The following DARS2 variants were observed in gnomAD, a reference collection of about 807,000 sequenced individuals.
DARS2 encodes the protein aspartate--tRNA ligase, mitochondrial.
Under a neutral mutation model 83.0 loss-of-function variants are expected in DARS2, and 63 were observed. That is an observed-to-expected ratio of 0.76 (90% confidence interval 0.62 to 0.94). The LOEUF is 0.94. Ranked by LOEUF, DARS2 falls within the 40% of genes least tolerant of loss-of-function variation. The pLI is 0.00. For synonymous variants in DARS2, 250 were observed against 269.3 expected (o/e 0.93, Z 0.70); for missense variants, 675 against 774.4 (o/e 0.87, Z 1.52).
intron 15 of DARS2, among the ~76,000 whole-genome samples, chr1:173,856,019 A>G (rs1392799950): frequency 6.6e-6 from 1 of 152,080 alleles, no homozygotes; most frequent in Non-Finnish European, 1.5e-5. Flanking sequence ...GCTGCACCTT[A>G]CAATCAAATC....
At chr1:173,856,254 C>T (rs1399573769) in intron 15 of DARS2, among the ~76,000 whole-genome samples, 1 of 152,194 alleles carries the variant, frequency 6.6e-6, no homozygotes, top group Non-Finnish European at 1.5e-5. Flanking sequence ...GTGGCCTGTT[C>T]TTGGCCCTTA....
chr1:173,840,906 G>T lies in DARS2; in HGVS notation c.1061G>T (p.Gly354Val). The change falls in exon 11 of 17, where the codon GGA becomes GTA. Residue 354 changes from glycine (G) to valine (V), a missense_variant. Gly to Val is a moderately radical substitution (Grantham distance 109). Coordinates refer to ENST00000649689, the MANE Select transcript of DARS2 (RefSeq NM_018122.5). ...ISDVFRNTEI[G>V]FLQDALSKPH... ...GATGTGTTTAGAAACACAGAGATTGGATTTCTTCAAGATGCACTTAGTAAG... is the reference window on the plus strand; with the variant it reads ...GATGTGTTTAGAAACACAGAGATTGTATTTCTTCAAGATGCACTTAGTAAG... 6.2e-7 allele frequency: 1 copy of T among 1,612,940 alleles called. No individual in the cohort carries two copies. Among genetic ancestry groups the T allele is most frequent in the Non-Finnish European group, 8.5e-7 (1 of 1,179,014 alleles).
chr1:173,848,170 C>A (rs1653514957), intron 12 of DARS2, among the ~76,000 whole-genome samples: 1 of 152,078 alleles, frequency 6.6e-6, no homozygotes, highest in Non-Finnish European at 1.5e-5. Flanking sequence ...TCATTCTTTT[C>A]TGAGTTGAAG....
In DARS2 at chr1:173,840,964, T is replaced by C. The variant is rs1372955578; in HGVS notation, c.1119T>C (p.Pro373=). 6.3e-7 allele frequency: 1 copy of C among 1,591,906 alleles called. No homozygotes were observed. The highest frequency in any genetic ancestry group is 8.6e-7 in the Non-Finnish European group (1 of 1,159,714). The change falls in exon 11 of 17, where the codon CCT becomes CCC. Residue 373 remains proline (P), a synonymous_variant. Transcript: ENST00000649689. The part of the protein sequence containing the change: ...PHGTVKAICI[P]EGAKYLKRKD... ...GAACTGTGAAAGCCATATGTATCCC[T>C]GAAGGAGCAGTAAGTGAAGTACAGT...
chr1:173,839,638 AGAT>A (rs1384547587), intron 10 of DARS2, 92 bp downstream of exon 10: 1 of 1,252,426 alleles, frequency 8.0e-7, no homozygotes, highest in African/African-American at 1.5e-5. Flanking sequence ...ACACACTGTT[AGAT>A]GATATTTTTG....
At chr1:173,847,945 C>T (rs566695556) in intron 12 of DARS2, among the ~76,000 whole-genome samples, 4 of 150,888 alleles carry the variant, frequency 2.7e-5, no homozygotes, top group South Asian at 4.2e-4. Flanking sequence ...CTCCGCCTCC[C>T]AGGTTCACGC....
rs1652321673 is a variant in DARS2 at position 173,857,546 on chromosome 1, T to G, written c.1779T>G (p.Thr593=). Residue 593 remains threonine (T), a synonymous_variant, in exon 17 of 17, where the codon ACT becomes ACG. Transcript: ENST00000649689. The part of the protein sequence containing the change: ...LGLDRLICLV[T]GSPSIRDVIA... ...TAGACAGACTGATATGCCTTGTCAC[T>G]GGATCTCCAAGCATCAGAGATGTCA... The G allele has an allele frequency of 6.2e-7, 1 of 1,614,060 alleles. No homozygotes were observed. The highest frequency in any genetic ancestry group is 1.3e-5 in the African/African-American group (1 of 74,950).
At position 173,853,083 on chromosome 1, in the gene DARS2, A is replaced by G. The variant is rs2281486; in HGVS notation, c.1345-266A>G. ...CGTAATTAGCCACACTGAGATTCAG[A>G]CCCAGGTCTATGAAGTGCTGATCCC... On this transcript the variant is annotated intron_variant, in intron 13 of 16. Transcript: ENST00000649689. Among the ~76,000 whole-genome samples, 32,298 of 152,088 alleles carry G rather than the reference A, an allele frequency of 0.21. 3,693 individuals carry two copies. Among genetic ancestry groups the G allele is most frequent in the Middle Eastern group, 0.38 (112 of 294 alleles).
At chr1:173,850,301 T>C (rs773163830) in intron 12 of DARS2, 26 bp from the exon 13 acceptor site, 1 of 1,514,140 alleles carries the variant, frequency 6.6e-7, no homozygotes, top group East Asian at 2.4e-5. Context: ...AAAAAAAACG[T>C]GAATAAGTCT....
chr1:173,845,409 TG>T, intron 12 of DARS2, 118 bp downstream of exon 12: 1 of 621,102 alleles, frequency 1.6e-6, no homozygotes, highest in South Asian at 2.2e-5. Context: ...ATCATTCTTC[TG>T]CTTTTATTTA....
Position 173,828,402 on chromosome 1 carries a change from A to G in DARS2, c.294+3A>G. ...AAGTTATCATTCCCCAGGATGAGGT[A>G]ATAGAAAATTTCCTGTTATTATCTA... On this transcript the variant is annotated splice_donor_region_variant and intron_variant, in intron 3 of 16. Coordinates refer to ENST00000649689, the MANE Select transcript of DARS2 (RefSeq NM_018122.5). 6.2e-7 allele frequency: 1 copy of G among 1,604,240 alleles called. No homozygotes were observed. Among genetic ancestry groups the G allele is most frequent in the Non-Finnish European group, 8.5e-7 (1 of 1,174,278 alleles).
Position 173,827,673 on chromosome 1 carries a change from C to A in DARS2, c.228-660C>A, listed in dbSNP as rs144897691. Among the ~76,000 whole-genome samples, 22 of 152,140 alleles carry A rather than the reference C, an allele frequency of 1.4e-4. 1 individual carries two copies. The highest frequency in any genetic ancestry group is 5.1e-4 in the African/African-American group (21 of 41,510). On this transcript the variant is annotated intron_variant, in intron 2 of 16. Coordinates refer to ENST00000649689, the MANE Select transcript of DARS2 (RefSeq NM_018122.5). Reference sequence around the variant, plus strand: ...TTGTCCCAAGTAGGTGGATATTTTTCCCATAAGTTTAGTGACTGTTTCCTG... The same window carrying A: ...TTGTCCCAAGTAGGTGGATATTTTTACCATAAGTTTAGTGACTGTTTCCTG...
intron 16 of DARS2, 49 bp downstream of exon 16, chr1:173,856,790 C>T (rs1470357761): frequency 6.6e-7 from 1 of 1,510,878 alleles, no homozygotes; most frequent in Non-Finnish European, 9.2e-7. Flanking sequence ...ATTGCACTGT[C>T]TCAAATTCAG....
rs745810469 is a variant in DARS2, at chr1:173,853,416, G to T, written c.1412G>T (p.Arg471Leu). 6.2e-7 allele frequency: 1 copy of T among 1,613,982 alleles called. No individual in the cohort carries two copies. Among genetic ancestry groups the T allele is most frequent in the Admixed American group, 1.7e-5 (1 of 59,988 alleles). The change falls in exon 14 of 17, where the codon CGT becomes CTT. Residue 471 changes from arginine to leucine, a missense_variant. Arg to Leu is a moderately radical substitution (Grantham distance 102). Transcript: ENST00000649689. Reference protein sequence around the residue: ...DLLETRGVVLRDPTLFSFLWV... With the variant: ...DLLETRGVVLLDPTLFSFLWV... Reference sequence around the variant, plus strand: ...CTAGAAACAAGAGGAGTGGTGCTCCGTGACCCCACTCTGTTCTCTTTCCTT... The same window carrying T: ...CTAGAAACAAGAGGAGTGGTGCTCCTTGACCCCACTCTGTTCTCTTTCCTT...
intron 7 of DARS2, among the ~76,000 whole-genome samples, chr1:173,834,732 G>GT: frequency 0.016 from 348 of 21,692 alleles, 1 homozygote; most frequent in Non-Finnish European, 0.021. Context: ...GAGTTTTTTT[G>GT]TTTTTTTTTT....
Position 173,825,145 on chromosome 1 carries a change from G to T in DARS2, c.-85G>T, listed in dbSNP as rs1432874109. The stretch of plus-strand genomic sequence containing the variant: ...AGTGGGAACTCCTGGAATTTTAAGG[G>T]ATTTCTGTGTATTTCCAAAACTGAC... On this transcript the variant is annotated 5_prime_UTR_variant, in exon 1 of 17. Coordinates refer to ENST00000649689, the MANE Select transcript of DARS2 (RefSeq NM_018122.5). 2.5e-6 allele frequency: 4 copies of T among 1,577,518 alleles called. No homozygotes were observed. The African/African-American group carries it at 4.1e-5, about 16-fold the overall frequency.
Position 173,844,669 on chromosome 1 carries a change from C to CAAAA in DARS2, c.1129-524_1129-521dup, listed in dbSNP as rs549839808. On this transcript the variant is annotated intron_variant, in intron 11 of 16. Transcript: ENST00000649689. ...TGGGTGACAGAGCTAGACTCCATCGCAAAAAAAAAAAAAAAAAAAAAAAAA... is the reference window on the plus strand; with the variant it reads ...TGGGTGACAGAGCTAGACTCCATCGCAAAAAAAAAAAAAAAAAAAAAAAAAAAAA... 3.7e-4 allele frequency among the ~76,000 whole-genome samples: 11 copies of CAAAA among 29,928 alleles called. 1 individual carries two copies. Among genetic ancestry groups the CAAAA allele is most frequent in the African/African-American group, 7.2e-4 (9 of 12,554 alleles). 19.6% of individuals were successfully genotyped at this position (29,928 alleles called of 152,430 possible).
At chr1:173,844,778 A>ATTTTTTTTTTTTT (rs1164469532) in intron 11 of DARS2, among the ~76,000 whole-genome samples, 1 of 56,838 alleles carries the variant, frequency 1.8e-5, no homozygotes, top group Non-Finnish European at 3.1e-5. Flanking sequence ...CAGAAATTGG[A>ATTTTTTTTTTTTT]TTTTTTTTTT....
rs9425754 is a variant in DARS2, at chr1:173,834,745, T to C, written c.663+226T>C. On this transcript the variant is annotated intron_variant, in intron 7 of 16. Coordinates refer to ENST00000649689, the MANE Select transcript of DARS2 (RefSeq NM_018122.5). ...TTGAGTTTTTTTGTTTTTTTTTTTT[T>C]TTTTTTTTTTTTGGTTTGTTTTGGG... Among the ~76,000 whole-genome samples the C allele has an allele frequency of 0.012, 1,473 of 125,050 alleles. 33 individuals are homozygous for C. The highest frequency in any genetic ancestry group is 0.057 in the African/African-American group (1,367 of 24,090). The allele number at this position is 125,050 out of a possible 152,430, so 82.0% of individuals were successfully genotyped here.
Sources: gnomAD v4.1 joint callset for allele counts (sites outside exome capture counted in the v4.1 genomes callset) on GRCh38, gnomAD v4.1.1 for gene constraint, MANE v1.5 for transcripts, NCBI Gene and HGNC (gene_info 2026-07-23, HGNC 2026-07-21) for gene names.